The following ARHGAP42 variants were observed in gnomAD, a reference collection of about 807,000 sequenced individuals.
The protein encoded by ARHGAP42 is Rho GTPase activating protein 42.
ARHGAP42 carries 63 observed loss-of-function variants against 125.0 expected under a neutral mutation model. That is an observed-to-expected ratio of 0.50 (90% CI 0.41 to 0.62). The LOEUF is 0.62. Ranked by LOEUF, ARHGAP42 falls within the 20% of genes least tolerant of loss-of-function variation. ARHGAP42 has a pLI of 0.00. For synonymous variants in ARHGAP42, 339 were observed against 351.0 expected, an observed-to-expected ratio of 0.97 and a Z score of 0.38; for missense variants, 766 against 1,024.2, an observed-to-expected ratio of 0.75 and a Z score of 3.44.
intron 3 of ARHGAP42, among the ~76,000 whole-genome samples, chr11:100,846,152 C>T (rs1865061307): frequency 6.6e-6 from 1 of 152,102 alleles, no homozygotes; most frequent in Admixed American, 6.5e-5. Flanking sequence ...AGGTAATTAA[C>T]CTTTTGTTTT....
At chr11:100,871,149 T>C (rs1394317670) in intron 4 of ARHGAP42, among the ~76,000 whole-genome samples, 1 of 152,170 alleles carries the variant, frequency 6.6e-6, no homozygotes, top group Non-Finnish European at 1.5e-5. Context: ...ATGGAAGTAA[T>C]TGGAAACCCT....
At chr11:100,837,426 C>G (rs1219127010) in intron 3 of ARHGAP42, among the ~76,000 whole-genome samples, 2 of 151,812 alleles carry the variant, frequency 1.3e-5, no homozygotes, top group African/African-American at 4.8e-5. Flanking sequence ...TAGGTTTTGT[C>G]TTTGTCACAC....
chr11:100,714,264 G>T (rs1402257149), intron 1 of ARHGAP42, among the ~76,000 whole-genome samples: 2 of 152,120 alleles, frequency 1.3e-5, no homozygotes, highest in Non-Finnish European at 2.9e-5. Flanking sequence ...CTTAAATGTT[G>T]CAATGTGAAA....
chr11:100,859,461 G>A, intron 3 of ARHGAP42, 93 bp from the exon 4 acceptor site: 2 of 1,025,006 alleles, frequency 2.0e-6, no homozygotes, highest in South Asian at 3.4e-5. Context: ...AACAAAAACA[G>A]TCTATTTGAT....
At chr11:100,879,670 G>A (rs1043915758) in intron 4 of ARHGAP42, among the ~76,000 whole-genome samples, 1 of 152,060 alleles carries the variant, frequency 6.6e-6, no homozygotes. Flanking sequence ...TACCCTGTGA[G>A]CTGCGACCTC....
intron 16 of ARHGAP42, among the ~76,000 whole-genome samples, chr11:100,964,912 TG>T (rs1425803990): frequency 6.6e-6 from 1 of 152,128 alleles, no homozygotes; most frequent in Non-Finnish European, 1.5e-5. Context: ...GAGCTCTCTG[TG>T]GGTGTATTGC....
At chr11:100,929,008 C>T (rs933509222) in intron 6 of ARHGAP42, among the ~76,000 whole-genome samples, 2 of 152,062 alleles carry the variant, frequency 1.3e-5, no homozygotes, top group African/African-American at 4.8e-5. Context: ...TTTGCTTATC[C>T]AAATATTAGT....
At chr11:100,816,097 T>A (rs948400384) in intron 3 of ARHGAP42, among the ~76,000 whole-genome samples, 1 of 152,220 alleles carries the variant, frequency 6.6e-6, no homozygotes, top group Non-Finnish European at 1.5e-5. Flanking sequence ...TTGTGAATAA[T>A]GCTGCTTTGA....
chr11:100,843,726 G>A (rs1864993951), intron 3 of ARHGAP42, among the ~76,000 whole-genome samples: 1 of 151,816 alleles, frequency 6.6e-6, no homozygotes, highest in Non-Finnish European at 1.5e-5. Flanking sequence ...AAAATGCTTA[G>A]GAATATATCT....
At chr11:100,765,102 A>G (rs904809922) in intron 1 of ARHGAP42, among the ~76,000 whole-genome samples, 10 of 152,156 alleles carry the variant, frequency 6.6e-5, no homozygotes, top group Non-Finnish European at 1.0e-4. Context: ...ATAGATACAA[A>G]AGAATAGCAG....
intron 1 of ARHGAP42, among the ~76,000 whole-genome samples, chr11:100,710,203 T>G (rs1193116218): frequency 6.6e-6 from 1 of 152,138 alleles, no homozygotes; most frequent in Non-Finnish European, 1.5e-5. Context: ...CTTTTATATA[T>G]TATAACATTG....
At chr11:100,752,606 T>C (rs781708487) in intron 1 of ARHGAP42, among the ~76,000 whole-genome samples, 5 of 152,208 alleles carry the variant, frequency 3.3e-5, no homozygotes, top group Admixed American at 6.5e-5. Flanking sequence ...TGCTGGGTAA[T>C]GTCTGCAAGG....
At chr11:100,902,763 T>C (rs1351307190) in intron 4 of ARHGAP42, among the ~76,000 whole-genome samples, 2 of 152,104 alleles carry the variant, frequency 1.3e-5, no homozygotes, top group East Asian at 3.9e-4. Context: ...GCTCCTTCCA[T>C]CACGTCTAGA....
chr11:100,831,291 A>G (rs1864658452), intron 3 of ARHGAP42, among the ~76,000 whole-genome samples: 1 of 152,174 alleles, frequency 6.6e-6, no homozygotes, highest in South Asian at 2.1e-4. Flanking sequence ...CATCATCATT[A>G]GGTTATTAAA....
At chr11:100,977,176 G>A (rs1472246216) in intron 21 of ARHGAP42, among the ~76,000 whole-genome samples, 1 of 152,152 alleles carries the variant, frequency 6.6e-6, no homozygotes, top group African/African-American at 2.4e-5. Context: ...CTCTCTCACA[G>A]GGCAGCACTT....
chr11:100,688,903 T>C (rs751896829), intron 1 of ARHGAP42, among the ~76,000 whole-genome samples: 7 of 152,110 alleles, frequency 4.6e-5, no homozygotes, highest in Non-Finnish European at 8.8e-5. Flanking sequence ...CTTTGGGTGA[T>C]CTAGTTACCC....
chr11:100,899,088 T>C (rs1374073212), intron 4 of ARHGAP42, among the ~76,000 whole-genome samples: 1 of 152,238 alleles, frequency 6.6e-6, no homozygotes, highest in African/African-American at 2.4e-5. Flanking sequence ...TCTGCCTTCA[T>C]TTCGTTATTT....
intron 4 of ARHGAP42, among the ~76,000 whole-genome samples, chr11:100,872,622 A>G (rs1219871950): frequency 2.6e-5 from 4 of 152,232 alleles, no homozygotes; most frequent in Middle Eastern, 3.4e-3. Context: ...GGAACTCCTG[A>G]CGTCAGGTGA....
At chr11:100,962,531 A>G (rs779953842) in intron 16 of ARHGAP42, 64 bp downstream of exon 16, 2 of 1,345,600 alleles carry the variant, frequency 1.5e-6, no homozygotes, top group Non-Finnish European at 1.0e-6. Flanking sequence ...ATACTTAGGC[A>G]TATATTACTA....
Sources: gnomAD v4.1 joint callset for allele counts (sites outside exome capture counted in the v4.1 genomes callset) on GRCh38, gnomAD v4.1.1 for gene constraint, MANE v1.5 for transcripts, NCBI Gene and HGNC (gene_info 2026-07-23, HGNC 2026-07-21) for gene names.